Variants in DCDC1 observed in about 807,000 individuals in gnomAD.
The protein encoded by DCDC1 is doublecortin domain containing 1.
DCDC1 carries 200 observed loss-of-function variants against 178.3 expected under a neutral mutation model. That is an observed-to-expected ratio of 1.12 (90% confidence interval 1.00 to 1.26). DCDC1 has a LOEUF of 1.26. DCDC1 is among the 50% of genes most tolerant of loss of function. The pLI, the probability that DCDC1 is intolerant of heterozygous loss-of-function variation, is 0.00. For synonymous variants in DCDC1, 690 were observed against 604.8 expected, an observed-to-expected ratio of 1.14 and a Z score of -2.07; for missense variants, 1,983 against 1,749.2, an observed-to-expected ratio of 1.13 and a Z score of -2.38.
intron 17 of DCDC1, among the ~76,000 whole-genome samples, chr11:31,090,532 A>C (rs1957760372): frequency 6.6e-6 from 1 of 152,210 alleles, no homozygotes; most frequent in Admixed American, 6.5e-5. Flanking sequence ...TAAGGACATT[A>C]GAATAGTATC....
At chr11:31,058,996 C>T (rs528709151) in intron 20 of DCDC1, among the ~76,000 whole-genome samples, 29 of 152,084 alleles carry the variant, frequency 1.9e-4, no homozygotes, top group Non-Finnish European at 3.1e-4. Context: ...AGTAGAGCAT[C>T]GCATTCATGC....
intron 9 of DCDC1, among the ~76,000 whole-genome samples, chr11:31,216,298 C>T (rs953717059): frequency 6.6e-6 from 1 of 152,086 alleles, no homozygotes; most frequent in Non-Finnish European, 1.5e-5. Context: ...TTTCCTAATG[C>T]TTACGAATTG....
chr11:31,322,656 T>A (rs1211853112), intron 3 of DCDC1, among the ~76,000 whole-genome samples: 1 of 152,188 alleles, frequency 6.6e-6, no homozygotes, highest in Non-Finnish European at 1.5e-5. Context: ...TGATGAGCCA[T>A]CTTGCAAGCA....
Position 30,905,636 on chromosome 11 carries a change from T to C in DCDC1, c.4105-472A>G, listed in dbSNP as rs571112943. Among the ~76,000 whole-genome samples the C allele has an allele frequency of 7.2e-5, 11 of 152,290 alleles. No homozygotes were observed. In the South Asian group the frequency reaches 2.3e-3, roughly 32 times the overall value. ...GAACACCACTCTTCTGCTTTCCCTT[T>C]TCATCCCAACCTAGGATGCTGCCCT... On this transcript the variant is annotated intron_variant, in intron 30 of 38. Transcript: ENST00000684477.
At position 30,881,189 on chromosome 11, in the gene DCDC1, C is replaced by T; in HGVS notation, c.5202G>A (p.Val1734=). ...DDIERDMVIC[V]SMGHGFKTPK... ...GGGTTTTGAAACCATGTCCCATAGA[C>T]ACACAGATGACCATATCTCGCTCTA... Residue 1734 remains valine (V), a synonymous_variant, in exon 37 of 39, where the codon GTG becomes GTA. Coordinates refer to ENST00000684477, the MANE Select transcript of DCDC1 (RefSeq NM_001387274.1). 1 of 1,613,428 alleles carries T rather than the reference C, an allele frequency of 6.2e-7. No homozygotes were observed. Among genetic ancestry groups the T allele is most frequent in the Non-Finnish European group, 8.5e-7 (1 of 1,179,544 alleles).
intron 9 of DCDC1, among the ~76,000 whole-genome samples, chr11:31,189,410 A>G (rs1336785448): frequency 6.6e-6 from 1 of 152,144 alleles, no homozygotes; most frequent in Non-Finnish European, 1.5e-5. Flanking sequence ...TCCATCTGTG[A>G]TCTCTGTTTT....
Position 30,881,696 on chromosome 11 carries a change from C to G in DCDC1, c.5083-388G>C, listed in dbSNP as rs148487330. ...AAAGGTGAGGAGACCCAGGCTCTGG[C>G]CTCTTTGTTACTTCAGACAGGTAAC... On this transcript the variant is annotated intron_variant, in intron 36 of 38. Transcript: ENST00000684477. Among the ~76,000 whole-genome samples, 749 of 152,228 alleles carry G rather than the reference C, an allele frequency of 4.9e-3. 9 individuals are homozygous for G. The highest frequency in any genetic ancestry group is 0.017 in the African/African-American group (719 of 41,542).
intron 20 of DCDC1, among the ~76,000 whole-genome samples, chr11:31,043,845 A>G (rs777881904): frequency 2.1e-5 from 3 of 144,486 alleles, no homozygotes; most frequent in Non-Finnish European, 4.5e-5. Flanking sequence ...TGTACCTTAT[A>G]AGTGCTATAT....
At chr11:30,868,242 CTTTTTTT>C (rs35180579) in intron 38 of DCDC1, among the ~76,000 whole-genome samples, 17 of 61,076 alleles carry the variant, frequency 2.8e-4, no homozygotes, top group Admixed American at 1.1e-3. Flanking sequence ...TTCATACCTG[CTTTTTTT>C]TTTTTTTTTT....
intron 17 of DCDC1, among the ~76,000 whole-genome samples, chr11:31,090,372 G>A (rs1249161519): frequency 6.6e-6 from 1 of 152,092 alleles, no homozygotes; most frequent in Non-Finnish European, 1.5e-5. Flanking sequence ...GGGCCTGACT[G>A]CTTGGGTTTG....
intron 30 of DCDC1, 91 bp downstream of exon 30, chr11:30,906,449 G>T: frequency 7.7e-7 from 1 of 1,303,876 alleles, no homozygotes; most frequent in Non-Finnish European, 1.0e-6. Context: ...GATGAGTGGA[G>T]ATGAACTTGA....
chr11:31,167,877 T>C (rs1966851820), intron 9 of DCDC1, among the ~76,000 whole-genome samples: 1 of 152,148 alleles, frequency 6.6e-6, no homozygotes, highest in African/African-American at 2.4e-5. Context: ...CATCCATATC[T>C]TTTGAAATGT....
chr11:31,328,790 G>A (rs1366547278), intron 2 of DCDC1, among the ~76,000 whole-genome samples: 11 of 136,732 alleles, frequency 8.0e-5, no homozygotes, highest in African/African-American at 2.6e-4. Context: ...CAGGCTGGGC[G>A]ACAGAGTGAG....
intron 21 of DCDC1, among the ~76,000 whole-genome samples, chr11:30,938,860 C>T (rs1211615622): frequency 1.3e-5 from 2 of 151,658 alleles, no homozygotes; most frequent in African/African-American, 4.9e-5. Flanking sequence ...CACGTTGGCT[C>T]CCTCCTTCCT....
At chr11:30,997,871 C>T (rs997127518) in intron 20 of DCDC1, among the ~76,000 whole-genome samples, 1 of 151,928 alleles carries the variant, frequency 6.6e-6, no homozygotes, top group Non-Finnish European at 1.5e-5. Context: ...TTCTAAATAG[C>T]CTTCTCCCCA....
In DCDC1 at chr11:31,110,262, T is replaced by A; in HGVS notation, c.1585A>T (p.Arg529Ter). ...SPIQTDHMME[R>*]LLLKIHQRLQ... ...AAGTAAACTGTCAGTAAACTCACTC[T>A]TTCCATCATATGGTCAGTTTGAATT... The change falls in exon 12 of 39, where the codon AGA becomes TGA. Residue 529 changes from arginine to a stop codon, truncating the protein, a stop_gained and splice_region_variant. Transcript: ENST00000684477. LOFTEE classifies it high-confidence loss of function. The A allele has an allele frequency of 1.4e-6, 1 of 713,226 alleles. No homozygotes were observed. The highest frequency in any genetic ancestry group is 2.6e-6 in the Non-Finnish European group (1 of 388,600). The allele number at this position is 713,226 out of a possible 1,614,324, so 44.2% of individuals were successfully genotyped here. A position where few individuals can be genotyped will look rare whatever the true frequency, so the allele number is the denominator to read the frequency against.
intron 3 of DCDC1, among the ~76,000 whole-genome samples, chr11:31,321,298 A>C (rs1949331279): frequency 9.5e-6 from 1 of 105,724 alleles, no homozygotes; most frequent in Non-Finnish European, 1.9e-5. Context: ...TGTGCTAGCA[A>C]TCAGCGAGAT....
At chr11:30,957,463 C>T (rs1208447540) in intron 20 of DCDC1, among the ~76,000 whole-genome samples, 6 of 152,112 alleles carry the variant, frequency 3.9e-5, no homozygotes, top group African/African-American at 2.4e-5. Flanking sequence ...TTAAAACATA[C>T]CTGAACTAAC....
At chr11:31,359,862 G>C (rs543978065) in intron 1 of DCDC1, among the ~76,000 whole-genome samples, 42 of 152,240 alleles carry the variant, frequency 2.8e-4, no homozygotes, top group Admixed American at 2.6e-3. Flanking sequence ...AAGAGCTAAG[G>C]TGGTATGGCA....
Sources: gnomAD v4.1 joint callset for allele counts (sites outside exome capture counted in the v4.1 genomes callset) on GRCh38, gnomAD v4.1.1 for gene constraint, MANE v1.5 for transcripts, NCBI Gene and HGNC (gene_info 2026-07-23, HGNC 2026-07-21) for gene names.